DYTN: variants seen among roughly 807,000 people sequenced by gnomAD.
The protein encoded by DYTN is dystrotelin.
DYTN carries 75 observed loss-of-function variants against 69.6 expected under a neutral mutation model. The observed-to-expected ratio is 1.08, with a 90% CI of 0.89 to 1.31. The LOEUF (loss-of-function observed/expected upper bound fraction) is 1.31. Ranked by LOEUF, DYTN falls within the 50% of genes most tolerant of loss-of-function variation. The pLI, the probability that DYTN is intolerant of heterozygous loss-of-function variation, is 0.00. For synonymous variants in DYTN, 252 were observed against 249.1 expected, an observed-to-expected ratio of 1.01 and a Z score of -0.11; for missense variants, 726 against 688.4, an observed-to-expected ratio of 1.05 and a Z score of -0.61.
intron 5 of DYTN, among the ~76,000 whole-genome samples, chr2:206,704,639 T>C (rs1181250614): frequency 1.3e-5 from 2 of 152,202 alleles, no homozygotes; most frequent in Non-Finnish European, 2.9e-5. Context: ...CTCATGAGTA[T>C]GAGTATAATT....
Position 206,663,027 on chromosome 2 carries a change from A to G in DYTN, c.1509T>C (p.Ala503=), listed in dbSNP as rs765001278. The G allele has an allele frequency of 1.9e-6, 3 of 1,613,646 alleles. No individual in the cohort carries two copies. The South Asian group carries it at 3.3e-5, about 18-fold the overall frequency. Residue 503 remains alanine (A), a synonymous_variant, in exon 11 of 12, where the codon GCT becomes GCC. Coordinates refer to ENST00000452335, the MANE Select transcript of DYTN (RefSeq NM_001093730.1). Reference sequence around the variant, plus strand: ...CCTCTTTCTTTTCCACGGCTGCCAGAGCAGGACTGCTCATTTCAGCAGGAA... The same window carrying G: ...CCTCTTTCTTTTCCACGGCTGCCAGGGCAGGACTGCTCATTTCAGCAGGAA... ...KMVPAEMSSP[A]LAAVEKKEAG...
At chr2:206,716,514 C>A (rs967100777) in intron 1 of DYTN, among the ~76,000 whole-genome samples, 1 of 152,124 alleles carries the variant, frequency 6.6e-6, no homozygotes, top group African/African-American at 2.4e-5. Context: ...TCAAGAGGTA[C>A]AAACATATAT....
intron 9 of DYTN, among the ~76,000 whole-genome samples, chr2:206,670,270 C>T (rs928782244): frequency 6.6e-5 from 10 of 152,206 alleles, no homozygotes; most frequent in South Asian, 2.1e-4. Flanking sequence ...AAAGTCAAAA[C>T]TTACTTAGCC....
chr2:206,699,760 G>A lies in DYTN; in HGVS notation c.686C>T (p.Thr229Ile), dbSNP rs1297996552. The change falls in exon 7 of 12, where the codon ACT becomes ATT. Residue 229 changes from threonine (T) to isoleucine (I), a missense_variant. Transcript: ENST00000452335. ...AERVTHPARCTLCRTFPITGL... is the reference protein window; with the variant it reads ...AERVTHPARCILCRTFPITGL... The stretch of plus-strand genomic sequence containing the variant: ...CGTGATTGGGAAAGTCCTGCAGAGA[G>A]TGCACCGAGCAGGGTGAGTGACCCT... The A allele has an allele frequency of 1.1e-5, 17 of 1,613,684 alleles. No homozygotes were observed. In the East Asian group the frequency reaches 2.9e-4, roughly 28 times the overall value.
rs1574587220 is a variant in DYTN at position 206,663,205 on chromosome 2, G to A, written c.1331C>T (p.Thr444Ile). The A allele has an allele frequency of 1.9e-6, 3 of 1,613,968 alleles. No individual in the cohort carries two copies. Among genetic ancestry groups the A allele is most frequent in the Non-Finnish European group, 2.5e-6 (3 of 1,179,894 alleles). The change falls in exon 11 of 12, where the codon ACA (threonine) becomes ATA (isoleucine). Residue 444 changes from threonine (T) to isoleucine (I), a missense_variant. Thr to Ile is a moderately conservative substitution (Grantham distance 89). Coordinates refer to ENST00000452335, the MANE Select transcript of DYTN (RefSeq NM_001093730.1). ...DEVDRSHRSH[T>I]NAEHALRNPE... ...ATTTCGCAGAGCATGCTCTGCATTT[G>A]TGTGACTTCTGTGACTTCTGTCAAC...
At chr2:206,709,174 G>A (rs62194556) in intron 2 of DYTN, among the ~76,000 whole-genome samples, 7 of 152,066 alleles carry the variant, frequency 4.6e-5, no homozygotes, top group Non-Finnish European at 1.0e-4. Flanking sequence ...AAGGCCAGGC[G>A]CGGTGGCTGA....
intron 9 of DYTN, among the ~76,000 whole-genome samples, chr2:206,667,310 C>G (rs1051171338): frequency 6.6e-6 from 1 of 152,122 alleles, no homozygotes; most frequent in Non-Finnish European, 1.5e-5. Flanking sequence ...AGGTCTGTTC[C>G]CCACTTAGAG....
chr2:206,709,868 C>A (rs1700063395), intron 2 of DYTN, among the ~76,000 whole-genome samples: 1 of 152,068 alleles, frequency 6.6e-6, no homozygotes, highest in Admixed American at 6.5e-5. Flanking sequence ...GTTTATTTTT[C>A]ACCTTGGAAA....
intron 9 of DYTN, among the ~76,000 whole-genome samples, chr2:206,683,339 C>CTTTTTTT (rs10531348): frequency 2.8e-3 from 310 of 111,888 alleles, no homozygotes; most frequent in Non-Finnish European, 3.9e-3. Flanking sequence ...TTTACTTTTT[C>CTTTTTTT]TTTTTTTTTT....
chr2:206,695,993 C>A (rs1359168760), intron 7 of DYTN, among the ~76,000 whole-genome samples: 1 of 152,206 alleles, frequency 6.6e-6, no homozygotes, highest in African/African-American at 2.4e-5. Context: ...AATTTCATAT[C>A]TTGCGGCAAA....
chr2:206,676,284 T>C (rs1559309053), intron 9 of DYTN, among the ~76,000 whole-genome samples: 2 of 152,200 alleles, frequency 1.3e-5, no homozygotes, highest in Non-Finnish European at 1.5e-5. Context: ...TGCAGGGACA[T>C]GGATGAAGCT....
In DYTN at chr2:206,651,813, C is replaced by T; in HGVS notation, c.*5G>A. 6.2e-7 allele frequency: 1 copy of T among 1,613,340 alleles called. No homozygotes were observed. On this transcript the variant is annotated 3_prime_UTR_variant, in exon 12 of 12. Transcript: ENST00000452335. Reference sequence around the variant, plus strand: ...ACCAAGAGGCCTTTGAGCCTGGACTCCATTTCACTTCAAATTGGGCAAGGC... The same window carrying T: ...ACCAAGAGGCCTTTGAGCCTGGACTTCATTTCACTTCAAATTGGGCAAGGC...
At chr2:206,678,814 T>C (rs188779210) in intron 9 of DYTN, among the ~76,000 whole-genome samples, 32 of 152,338 alleles carry the variant, frequency 2.1e-4, no homozygotes, top group Admixed American at 1.8e-3. Context: ...TTTGACTTTT[T>C]GAAACTTTCT....
At chr2:206,652,121 C>A (rs1234589361) in intron 11 of DYTN, among the ~76,000 whole-genome samples, 200 bp from the exon 12 acceptor site, 1 of 152,168 alleles carries the variant, frequency 6.6e-6, no homozygotes, top group Non-Finnish European at 1.5e-5. Flanking sequence ...GGCATAGGTT[C>A]TTAAGAAGCA....
In DYTN at chr2:206,699,781, AC is replaced by A; in HGVS notation, c.664del (p.Val222SerfsTer23). On this transcript the variant is annotated frameshift_variant, in exon 7 of 12. Transcript: ENST00000452335. LOFTEE classifies it high-confidence loss of function. The part of the protein sequence containing the change: ...TCHRLSAAER[V>X]THPARCTLCR... The stretch of plus-strand genomic sequence containing the variant: ...GAGAGTGCACCGAGCAGGGTGAGTG[AC>A]CCTTTCAGCAGCTGATAACCGGTGG... 1 of 1,613,806 alleles carries A rather than the reference AC, an allele frequency of 6.2e-7. No individual in the cohort carries two copies. The highest frequency in any genetic ancestry group is 8.5e-7 in the Non-Finnish European group (1 of 1,179,814).
At chr2:206,662,881 C>A (rs1699528002) in intron 11 of DYTN, 22 bp downstream of exon 11, 5 of 1,600,152 alleles carry the variant, frequency 3.1e-6, no homozygotes, top group Non-Finnish European at 4.3e-6. Flanking sequence ...ATCACGATGT[C>A]TATGGATTGT....
intron 1 of DYTN, 32 bp downstream of exon 1, chr2:206,718,229 A>G (rs1700147352): frequency 6.3e-7 from 1 of 1,578,634 alleles, no homozygotes; most frequent in Non-Finnish European, 8.6e-7. Flanking sequence ...CTGTTTACAA[A>G]CTATGCTCAG....
chr2:206,693,549 C>T (rs1220199663), intron 8 of DYTN, among the ~76,000 whole-genome samples: 1 of 152,164 alleles, frequency 6.6e-6, no homozygotes, highest in Non-Finnish European at 1.5e-5. Flanking sequence ...AAGTCCTCTT[C>T]CTTAGAGTAA....
intron 9 of DYTN, among the ~76,000 whole-genome samples, chr2:206,672,703 A>G (rs1699642963): frequency 6.6e-6 from 1 of 152,230 alleles, no homozygotes; most frequent in African/African-American, 2.4e-5. Flanking sequence ...AGATGACCAT[A>G]TTCTGAAAAC....
Sources: allele counts gnomAD v4.1 joint callset (sites outside exome capture counted in the v4.1 genomes callset), GRCh38; gene constraint gnomAD v4.1.1; transcripts MANE v1.5; gene names NCBI Gene and HGNC (gene_info 2026-07-23, HGNC 2026-07-21).